The following NLGN1 variants were observed in gnomAD, a reference collection of about 807,000 sequenced individuals.
The protein encoded by NLGN1 is neuroligin-1.
In NLGN1, 12 loss-of-function variants were observed where a neutral mutation model predicts 65.5. The observed-to-expected ratio is 0.18, with a 90% CI of 0.12 to 0.30. NLGN1 has a LOEUF of 0.30. Ranked by LOEUF, NLGN1 falls within the 10% of genes least tolerant of loss-of-function variation. NLGN1 has a pLI of 1.00. For synonymous variants in NLGN1, 350 were observed against 359.5 expected, an observed-to-expected ratio of 0.97 and a Z score of 0.30; for missense variants, 750 against 1,007.1, an observed-to-expected ratio of 0.74 and a Z score of 3.46.
chr3:173,737,643 A>G (rs1773985426), intron 3 of NLGN1, among the ~76,000 whole-genome samples: 4 of 152,082 alleles, frequency 2.6e-5, no homozygotes, highest in Admixed American at 2.6e-4. Flanking sequence ...ACTACATTGT[A>G]TTTATCAGTG....
At chr3:174,069,814 G>T (rs6773680) in intron 4 of NLGN1, among the ~76,000 whole-genome samples, 38,062 of 152,088 alleles carry the variant, frequency 0.25, 6,801 homozygotes, top group African/African-American at 0.51. Context: ...AGTAAAGTGG[G>T]TATTAGCATA....
chr3:174,122,056 T>G (rs1183080123), intron 4 of NLGN1, among the ~76,000 whole-genome samples: 1 of 152,206 alleles, frequency 6.6e-6, no homozygotes, highest in Non-Finnish European at 1.5e-5. Context: ...CTTCTCTTTC[T>G]GCTCTTTGAA....
At chr3:173,996,051 T>C (rs1722217564) in intron 4 of NLGN1, among the ~76,000 whole-genome samples, 1 of 152,306 alleles carries the variant, frequency 6.6e-6, no homozygotes, top group South Asian at 2.1e-4. Flanking sequence ...AAATATTTAT[T>C]GAAAGCTCAA....
chr3:173,578,247 A>G (rs956499353), intron 2 of NLGN1, among the ~76,000 whole-genome samples: 3 of 151,920 alleles, frequency 2.0e-5, no homozygotes, highest in African/African-American at 2.4e-5. Flanking sequence ...AAAAAAAAAA[A>G]AAGAAGAAGA....
At chr3:173,426,148 A>C (rs1292001911) in intron 1 of NLGN1, among the ~76,000 whole-genome samples, 4 of 151,146 alleles carry the variant, frequency 2.6e-5, no homozygotes, top group Non-Finnish European at 5.9e-5. Context: ...GGAATATAGA[A>C]ATACTACTGT....
intron 4 of NLGN1, among the ~76,000 whole-genome samples, chr3:174,189,999 C>T (rs1439000605): frequency 6.6e-6 from 1 of 151,974 alleles, no homozygotes; most frequent in African/African-American, 2.4e-5. Context: ...CAATTTACAG[C>T]TAGGTGACTT....
chr3:173,545,059 TG>T (rs1266301368), intron 2 of NLGN1, among the ~76,000 whole-genome samples: 19 of 124,134 alleles, frequency 1.5e-4, no homozygotes, highest in East Asian at 3.1e-4. Flanking sequence ...TGTGTGTGGT[TG>T]TTTTTTTTGT....
At chr3:174,275,628 T>C in intron 5 of NLGN1, 101 bp downstream of exon 5, 1 of 719,568 alleles carries the variant, frequency 1.4e-6, no homozygotes, top group South Asian at 1.7e-5. Flanking sequence ...AAACTGAGTG[T>C]TAGGTTGAAC....
intron 4 of NLGN1, among the ~76,000 whole-genome samples, chr3:174,071,930 C>A (rs1739974544): frequency 6.6e-6 from 1 of 152,164 alleles, no homozygotes; most frequent in East Asian, 1.9e-4. Context: ...GTCGGAAGAT[C>A]TGGAAACCCT....
chr3:173,861,490 G>A (rs886939170), intron 4 of NLGN1, among the ~76,000 whole-genome samples: 1 of 149,298 alleles, frequency 6.7e-6, no homozygotes, highest in South Asian at 2.1e-4. Context: ...ATATTGTTAA[G>A]AATTGCCAAT....
chr3:173,893,531 G>T (rs1234667059), intron 4 of NLGN1, among the ~76,000 whole-genome samples: 1 of 152,104 alleles, frequency 6.6e-6, no homozygotes, highest in Non-Finnish European at 1.5e-5. Context: ...CTACACTGAT[G>T]ACCATGATGA....
chr3:173,516,492 T>C (rs1733842165), intron 2 of NLGN1, among the ~76,000 whole-genome samples: 1 of 152,088 alleles, frequency 6.6e-6, no homozygotes, highest in Non-Finnish European at 1.5e-5. Flanking sequence ...CCTCTTGAAC[T>C]CTCACCCAAA....
At chr3:173,438,123 TA>T (rs1380550362) in intron 2 of NLGN1, among the ~76,000 whole-genome samples, 3 of 152,204 alleles carry the variant, frequency 2.0e-5, no homozygotes, top group South Asian at 4.1e-4. Context: ...ATTTCTCTCT[TA>T]AAAAAACAGA....
At chr3:173,937,771 G>T (rs1018473832) in intron 4 of NLGN1, among the ~76,000 whole-genome samples, 2 of 152,026 alleles carry the variant, frequency 1.3e-5, no homozygotes, top group African/African-American at 4.8e-5. Flanking sequence ...TGTGATTAAC[G>T]CAAAATAAGA....
intron 4 of NLGN1, among the ~76,000 whole-genome samples, chr3:173,869,074 A>G (rs1197416515): frequency 6.6e-6 from 1 of 152,198 alleles, no homozygotes; most frequent in Non-Finnish European, 1.5e-5. Context: ...ATGATATTCC[A>G]TACTTTTAAG....
At chr3:174,089,722 G>A (rs887456232) in intron 4 of NLGN1, among the ~76,000 whole-genome samples, 4 of 152,046 alleles carry the variant, frequency 2.6e-5, no homozygotes, top group Admixed American at 6.6e-5. Context: ...TAAATCATTC[G>A]AGAGAGCTTT....
chr3:173,618,112 G>T (rs1753405585), intron 3 of NLGN1, among the ~76,000 whole-genome samples: 1 of 152,098 alleles, frequency 6.6e-6, no homozygotes, highest in African/African-American at 2.4e-5. Flanking sequence ...CCTGTGTGGG[G>T]TTCTCATTCC....
chr3:173,519,784 A>C (rs975419687), intron 2 of NLGN1, among the ~76,000 whole-genome samples: 3 of 150,926 alleles, frequency 2.0e-5, no homozygotes, highest in Non-Finnish European at 4.4e-5. Context: ...TGGACTTTTG[A>C]GTAAATGTTG....
At chr3:173,409,408 G>T (rs1365339835) in intron 1 of NLGN1, among the ~76,000 whole-genome samples, 1 of 152,170 alleles carries the variant, frequency 6.6e-6, no homozygotes, top group East Asian at 1.9e-4. Flanking sequence ...CATATGTACT[G>T]TAGACGGGAA....
Sources: allele counts gnomAD v4.1 joint callset (sites outside exome capture counted in the v4.1 genomes callset), GRCh38; gene constraint gnomAD v4.1.1; transcripts MANE v1.5; gene names NCBI Gene and HGNC (gene_info 2026-07-23, HGNC 2026-07-21).